Variants in DZANK1 observed in about 807,000 individuals in gnomAD.
The protein encoded by DZANK1 is double zinc ribbon and ankyrin repeat-containing protein 1.
DZANK1 carries 91 observed loss-of-function variants against 94.5 expected under a neutral mutation model. The ratio of observed to expected loss-of-function variants is 0.96; its 90% confidence interval spans 0.81 to 1.15. DZANK1 has a LOEUF of 1.15. DZANK1 is among the 50% of genes most tolerant of loss of function. The pLI, the probability that DZANK1 is intolerant of heterozygous loss-of-function variation, is 0.00. For missense variants in DZANK1, 903 were observed against 916.4 expected (o/e 0.99, Z 0.19); for synonymous variants, 312 against 325.3 (o/e 0.96, Z 0.44).
chr20:18,408,435 C>T (rs1010805784), intron 13 of DZANK1, among the ~76,000 whole-genome samples: 2 of 152,100 alleles, frequency 1.3e-5, no homozygotes, highest in African/African-American at 2.4e-5. Flanking sequence ...CAGATTTAAT[C>T]CAAAGAAGAC....
At position 18,460,178 on chromosome 20, in the gene DZANK1, G is replaced by GT. The variant is rs1395926512; in HGVS notation, c.237dup (p.Gln80ThrfsTer3). 6.4e-7 allele frequency: 1 copy of GT among 1,559,582 alleles called. No homozygotes were observed. ...TTAGAGACAGCAATAGCTTTAACTT[G>GT]TATTTTTCCATCAGGCAGAGTAATA... On this transcript the variant is annotated frameshift_variant, in exon 3 of 21. Transcript: ENST00000262547. LOFTEE classifies it high-confidence loss of function.
At position 18,452,614 on chromosome 20, in the gene DZANK1, C is replaced by A; in HGVS notation, c.543+1G>T. Reference sequence around the variant, plus strand: ...CCCTAAAGATTGTCCTTAGAAGTTACCTGGGACTGGCGGGTGGGTGGTCTA... The same window carrying A: ...CCCTAAAGATTGTCCTTAGAAGTTAACTGGGACTGGCGGGTGGGTGGTCTA... On this transcript the variant is annotated splice_donor_variant, in intron 6 of 20. Coordinates refer to ENST00000262547, the Ensembl canonical transcript of DZANK1. LOFTEE classifies it high-confidence loss of function. The A allele has an allele frequency of 1.2e-6, 2 of 1,603,354 alleles. No homozygotes were observed. Among genetic ancestry groups the A allele is most frequent in the Non-Finnish European group, 1.7e-6 (2 of 1,175,220 alleles).
intron 19 of DZANK1, among the ~76,000 whole-genome samples, chr20:18,389,321 T>A (rs1302466843): frequency 1.3e-5 from 2 of 152,224 alleles, no homozygotes; most frequent in African/African-American, 4.8e-5. Context: ...ATTAACTTCA[T>A]GGGGATATTT....
Position 18,441,186 on chromosome 20 carries a change from T to C in DZANK1, c.747+2161A>G, listed in dbSNP as rs541577984. ...TGGCCATTCAAGATACTTGCTTCAA[T>C]TGGCACGTCATCACAATCAGCCACA... On this transcript the variant is annotated intron_variant, in intron 8 of 20. Transcript: ENST00000262547. The surrounding 1 kb of genome is among the most constrained non-coding windows in gnomAD (Gnocchi z 4.1). 2.0e-5 allele frequency among the ~76,000 whole-genome samples: 3 copies of C among 152,304 alleles called. No individual in the cohort carries two copies. The highest frequency in any genetic ancestry group is 3.9e-4 in the East Asian group (2 of 5,178).
intron 19 of DZANK1, among the ~76,000 whole-genome samples, chr20:18,387,350 T>C (rs2048564260): frequency 6.6e-6 from 1 of 152,252 alleles, no homozygotes; most frequent in South Asian, 2.1e-4. Context: ...GACTCTGCCA[T>C]GGAATTTGTA....
chr20:18,425,234 A>T (rs1489096709), intron 10 of DZANK1, among the ~76,000 whole-genome samples: 4 of 152,146 alleles, frequency 2.6e-5, no homozygotes, highest in Non-Finnish European at 5.9e-5. Flanking sequence ...CTACTCTTAG[A>T]CTGTCCGTGA....
chr20:18,430,876 C>G (rs992446035), intron 9 of DZANK1, among the ~76,000 whole-genome samples: 2 of 151,924 alleles, frequency 1.3e-5, no homozygotes, highest in African/African-American at 2.4e-5. Context: ...TTAAGTGAAA[C>G]AATTAAGTTG....
intron 2 of DZANK1, among the ~76,000 whole-genome samples, chr20:18,462,931 C>A (rs1222789745): frequency 1.0e-5 from 1 of 97,308 alleles, no homozygotes. Flanking sequence ...AAGTAAGACT[C>A]GGTCTTAAAA....
chr20:18,430,260 C>T (rs1362927485), intron 9 of DZANK1, among the ~76,000 whole-genome samples: 1 of 152,108 alleles, frequency 6.6e-6, no homozygotes, highest in Non-Finnish European at 1.5e-5. Flanking sequence ...CTGGCCTTAA[C>T]CCCAAATCAC....
Position 18,427,286 on chromosome 20 carries a change from T to C in DZANK1, c.862-127A>G, listed in dbSNP as rs2058086764. 1.8e-5 allele frequency: 11 copies of C among 600,388 alleles called. No homozygotes were observed. The Admixed American group carries it at 3.2e-4, about 18-fold the overall frequency. 37.2% of individuals were successfully genotyped at this position (600,388 alleles called of 1,614,324 possible). A position where few individuals can be genotyped will look rare whatever the true frequency, so the allele number is the denominator to read the frequency against. On this transcript the variant is annotated intron_variant, in intron 9 of 20. Transcript: ENST00000262547. ...ATTACTGCACCCAGGCCCTGAATAC[T>C]GGATTGGTTTAGGAGTTACTGTAAA...
chr20:18,400,473 T>A (rs1207732650), intron 13 of DZANK1, among the ~76,000 whole-genome samples: 1 of 152,168 alleles, frequency 6.6e-6, no homozygotes, highest in Non-Finnish European at 1.5e-5. Flanking sequence ...TGCACCTGTG[T>A]ACGGATAGGC....
exon 21 of DZANK1, chr20:18,383,398 C>T (rs2048303783): frequency 6.6e-6 from 1 of 152,026 alleles, no homozygotes; most frequent in Non-Finnish European, 1.5e-5. Context: ...TTATTGAGAG[C>T]TGATTTGTCA....
chr20:18,385,726 G>A (rs1439708244), intron 19 of DZANK1, among the ~76,000 whole-genome samples: 3 of 152,148 alleles, frequency 2.0e-5, no homozygotes, highest in Non-Finnish European at 2.9e-5. Flanking sequence ...TCTTGGGCAC[G>A]ATAGTAGCTT....
At chr20:18,443,686 G>GT in intron 7 of DZANK1, among the ~76,000 whole-genome samples, 1 of 152,258 alleles carries the variant, frequency 6.6e-6, no homozygotes, top group African/African-American at 2.4e-5. Flanking sequence ...CCCTTTCTGC[G>GT]TAGGCCAAGT....
chr20:18,446,936 T>A (rs934441884), intron 7 of DZANK1, among the ~76,000 whole-genome samples: 1 of 152,180 alleles, frequency 6.6e-6, no homozygotes, highest in Non-Finnish European at 1.5e-5. Context: ...CAAAAAAAAT[T>A]CTTTAAAACC....
intron 1 of DZANK1, chr20:18,466,760 A>T (rs536075238): frequency 1.5e-4 from 23 of 152,380 alleles, no homozygotes; most frequent in Admixed American, 1.5e-3. Flanking sequence ...AGTCAACAGG[A>T]TCCCCAGACC....
At chr20:18,414,695 T>C (rs1338003303) in intron 11 of DZANK1, among the ~76,000 whole-genome samples, 183 bp from the exon 12 acceptor site, 2 of 152,158 alleles carry the variant, frequency 1.3e-5, no homozygotes, top group African/African-American at 4.8e-5. Context: ...CCTAAAACAC[T>C]GTGGTTTTAA....
chr20:18,398,484 C>T (rs1478543802), intron 14 of DZANK1, 39 bp downstream of exon 14: 1 of 1,592,110 alleles, frequency 6.3e-7, no homozygotes. Context: ...CAGCCTGATC[C>T]CGTGGACACT....
chr20:18,396,633 A>G, intron 14 of DZANK1, 87 bp from the exon 15 acceptor site: 1 of 910,016 alleles, frequency 1.1e-6, no homozygotes, highest in Non-Finnish European at 1.7e-6. Context: ...TGAGATGTCA[A>G]ACTCTAAATT....
Sources: gnomAD v4.1 joint callset for allele counts (sites outside exome capture counted in the v4.1 genomes callset) on GRCh38, gnomAD v4.1.1 for gene constraint, Gnocchi (gnomAD v3.1) non-coding constraint, MANE v1.5 for transcripts, NCBI Gene and HGNC (gene_info 2026-07-23, HGNC 2026-07-21) for gene names.